MLXIP: variants seen among roughly 807,000 people sequenced by gnomAD.
MLXIP encodes the protein MLX interacting protein.
A neutral mutation model predicts 87.2 loss-of-function variants in MLXIP; 30 were observed. The ratio of observed to expected loss-of-function variants is 0.34; its 90% CI spans 0.26 to 0.47. The LOEUF is 0.47. Ranked by LOEUF, MLXIP falls within the 20% of genes least tolerant of loss-of-function variation. The pLI is 1.00. For synonymous variants in MLXIP, 530 were observed against 514.0 expected (o/e 1.03, Z -0.42); for missense variants, 1,002 against 1,240.1 (o/e 0.81, Z 2.88).
Position 122,134,007 on chromosome 12 carries a change from T to C in MLXIP, c.1732+20T>C, listed in dbSNP as rs1184801895. 6.3e-7 allele frequency: 1 copy of C among 1,580,726 alleles called. No individual in the cohort carries two copies. Among genetic ancestry groups the C allele is most frequent in the Non-Finnish European group, 8.6e-7 (1 of 1,162,876 alleles). On this transcript the variant is annotated intron_variant, in intron 9 of 16. Coordinates refer to ENST00000319080, the MANE Select transcript of MLXIP (RefSeq NM_014938.6). ...CCCCAGGTGAGCCAGGCGGGGAGAC[T>C]CAGTGCGGGGCTCCCCCCGACCCAG...
chr12:122,110,526 A>G (rs2135940999), intron 1 of MLXIP, among the ~76,000 whole-genome samples: 1 of 152,052 alleles, frequency 6.6e-6, no homozygotes, highest in Non-Finnish European at 1.5e-5. Context: ...ACCTCAGGTG[A>G]TCCACCCGCT....
At chr12:122,122,554 T>C (rs1253923016) in intron 1 of MLXIP, among the ~76,000 whole-genome samples, 1 of 151,974 alleles carries the variant, frequency 6.6e-6, no homozygotes, top group Non-Finnish European at 1.5e-5. Flanking sequence ...TTTTTCTTTT[T>C]TTTTTGAGAC....
At chr12:122,123,112 G>A (rs971914701) in intron 1 of MLXIP, among the ~76,000 whole-genome samples, 2 of 152,166 alleles carry the variant, frequency 1.3e-5, no homozygotes, top group East Asian at 3.9e-4. Flanking sequence ...CAGCCTAACA[G>A]CTCTGCCAGG....
chr12:122,133,325 T>C lies in MLXIP; in HGVS notation c.1093-23T>C, dbSNP rs1953013946. 1 of 1,535,486 alleles carries C rather than the reference T, an allele frequency of 6.5e-7. No individual in the cohort carries two copies. The highest frequency in any genetic ancestry group is 2.3e-5 in the East Asian group (1 of 44,138). On this transcript the variant is annotated intron_variant, in intron 8 of 16. Coordinates refer to ENST00000319080, the MANE Select transcript of MLXIP (RefSeq NM_014938.6). The surrounding 1 kb of genome is among the most constrained non-coding windows in gnomAD (Gnocchi z 4.9). Reference sequence around the variant, plus strand: ...ATTGTCTGACCCCAGCATTGCTTCCTGGCTCCTTTCTTCCTTTTTCAGGAG... The same window carrying C: ...ATTGTCTGACCCCAGCATTGCTTCCCGGCTCCTTTCTTCCTTTTTCAGGAG...
intron 1 of MLXIP, among the ~76,000 whole-genome samples, chr12:122,080,599 A>C (rs1952076935): frequency 6.6e-6 from 1 of 152,120 alleles, no homozygotes; most frequent in Non-Finnish European, 1.5e-5. Context: ...GGTTTCCCTG[A>C]TGATCTGTTC....
At chr12:122,085,313 C>T (rs1952151579) in intron 1 of MLXIP, among the ~76,000 whole-genome samples, 2 of 152,160 alleles carry the variant, frequency 1.3e-5, no homozygotes, top group Admixed American at 1.3e-4. Flanking sequence ...CTAAGCCTAA[C>T]AGCTTCGGCA....
chr12:122,111,190 G>A (rs1299572475), intron 1 of MLXIP, among the ~76,000 whole-genome samples: 2 of 152,134 alleles, frequency 1.3e-5, no homozygotes, highest in Non-Finnish European at 2.9e-5. Flanking sequence ...AGTAGGCTGT[G>A]TAGCTGGCAG....
chr12:122,123,212 C>A (rs542807822), intron 1 of MLXIP, among the ~76,000 whole-genome samples: 17 of 152,192 alleles, frequency 1.1e-4, no homozygotes, highest in South Asian at 4.1e-4. Context: ...TGCCACCTTG[C>A]CACCTTCTGA....
intron 1 of MLXIP, among the ~76,000 whole-genome samples, chr12:122,097,920 T>TCTGGC (rs1054202734): frequency 6.6e-6 from 1 of 151,606 alleles, no homozygotes; most frequent in Non-Finnish European, 1.5e-5. Flanking sequence ...GCAGCTCAGC[T>TCTGGC]CTGGCCTGGC....
chr12:122,117,418 G>A (rs994559487), intron 1 of MLXIP, among the ~76,000 whole-genome samples: 3 of 152,238 alleles, frequency 2.0e-5, no homozygotes, highest in Non-Finnish European at 2.9e-5. Flanking sequence ...AGCTTTGGCT[G>A]CTGGCAGCCT....
chr12:122,111,142 T>C (rs982108074), intron 1 of MLXIP, among the ~76,000 whole-genome samples: 1 of 152,160 alleles, frequency 6.6e-6, no homozygotes, highest in Non-Finnish European at 1.5e-5. Context: ...CTTATCCTTT[T>C]AAATGCATCA....
At chr12:122,101,983 A>G (rs1593073829) in intron 1 of MLXIP, among the ~76,000 whole-genome samples, 1 of 152,230 alleles carries the variant, frequency 6.6e-6, no homozygotes, top group African/African-American at 2.4e-5. Context: ...ATTCAGTTAA[A>G]TAGTCCTTTG....
Position 122,135,871 on chromosome 12 carries a change from A to G in MLXIP, c.2032+205A>G, listed in dbSNP as rs1264743841. On this transcript the variant is annotated intron_variant, in intron 11 of 16. Transcript: ENST00000319080. This position sits in a 1 kb window ranked among gnomAD's most constrained non-coding sequence, Gnocchi z 5.3. ...AAATGTGGTGGCACTGGCAGGGCAA[A>G]AAGTAGTGAACATGTGGCAGTGTAG... 6.4e-6 allele frequency: 4 copies of G among 623,468 alleles called. No homozygotes were observed. Among genetic ancestry groups the G allele is most frequent in the Non-Finnish European group, 1.0e-5 (4 of 384,344 alleles). The allele number at this position is 623,468 out of a possible 1,614,324, so 38.6% of individuals were successfully genotyped here.
Position 122,127,268 on chromosome 12 carries a change from G to A in MLXIP, c.426G>A (p.Val142=), listed in dbSNP as rs1398474655. ...CCTTGCCTTTCAGTGGGAAGTTGGT[G>A]TCTCCAAAGTGGAAGAATTTCAAGG... ...CMTLAYSGKL[V]SPKWKNFKGL... Residue 142 remains valine (V), a synonymous_variant, in exon 2 of 17, where the codon GTG becomes GTA. Coordinates refer to ENST00000319080, the MANE Select transcript of MLXIP (RefSeq NM_014938.6). The A allele has an allele frequency of 3.7e-6, 6 of 1,613,654 alleles. No individual in the cohort carries two copies. Among genetic ancestry groups the A allele is most frequent in the Admixed American group, 1.7e-5 (1 of 59,950 alleles).
chr12:122,083,461 CT>C (rs1460468177), intron 1 of MLXIP, among the ~76,000 whole-genome samples: 3 of 151,708 alleles, frequency 2.0e-5, no homozygotes, highest in Non-Finnish European at 4.4e-5. Context: ...GTTGCCCAGT[CT>C]GGAGTGCAAT....
At chr12:122,098,696 G>A (rs549532888) in intron 1 of MLXIP, among the ~76,000 whole-genome samples, 1 of 152,330 alleles carries the variant, frequency 6.6e-6, no homozygotes, top group African/African-American at 2.4e-5. Context: ...AATTAGGAGG[G>A]AAGGGCAGGT....
rs545381319 is a variant in MLXIP at position 122,100,700 on chromosome 12, A to G, written c.413+21434A>G. On this transcript the variant is annotated intron_variant, in intron 1 of 16. Transcript: ENST00000319080. ...TTTCCCTTTTTGTCTGGTGTCTCCC[A>G]TTTTCTATTGGTTTGCATAACTTGT... 2.6e-5 allele frequency among the ~76,000 whole-genome samples: 4 copies of G among 152,178 alleles called. 1 individual carries two copies. In the South Asian group the frequency reaches 8.3e-4, roughly 32 times the overall value.
At chr12:122,126,530 A>G (rs1952884279) in intron 1 of MLXIP, among the ~76,000 whole-genome samples, 1 of 152,176 alleles carries the variant, frequency 6.6e-6, no homozygotes, top group Non-Finnish European at 1.5e-5. Context: ...TCTGGGAGGC[A>G]GAATAGGCCC....
rs1291686650 is a variant in MLXIP at position 122,145,542 on chromosome 12, C to T, written c.*3730C>T. On this transcript the variant is annotated 3_prime_UTR_variant, in exon 17 of 17. Transcript: ENST00000319080. ...CGTGCACAGCCATGACTGGCCCTGC[C>T]GGCAGCTGGGGTGCAGGTAAGGGTC... 1.3e-5 allele frequency: 2 copies of T among 152,302 alleles called. No individual in the cohort carries two copies. The highest frequency in any genetic ancestry group is 2.4e-5 in the African/African-American group (1 of 41,448). The allele number at this position is 152,302 out of a possible 1,614,324, so 9.4% of individuals were successfully genotyped here.
Sources: allele counts gnomAD v4.1 joint callset (sites outside exome capture counted in the v4.1 genomes callset), GRCh38; gene constraint gnomAD v4.1.1; non-coding constraint Gnocchi (gnomAD v3.1); transcripts MANE v1.5; gene names NCBI Gene and HGNC (gene_info 2026-07-23, HGNC 2026-07-21).